TSHZ2: variants seen among roughly 807,000 people sequenced by gnomAD.
The protein encoded by TSHZ2 is teashirt homolog 2.
TSHZ2 carries 21 observed loss-of-function variants against 74.4 expected under a neutral mutation model. That is an observed-to-expected ratio of 0.28 (90% CI 0.20 to 0.41). The LOEUF is 0.41. TSHZ2 is among the 10% of genes least tolerant of loss of function. The pLI is 1.00. For synonymous variants in TSHZ2, 540 were observed against 515.3 expected (o/e 1.05, Z -0.65); for missense variants, 1,244 against 1,293.5 (o/e 0.96, Z 0.59).
chr20:53,121,354 AG>A (rs1341454755), intron 1 of TSHZ2, among the ~76,000 whole-genome samples: 2 of 152,250 alleles, frequency 1.3e-5, no homozygotes, highest in African/African-American at 4.8e-5. Flanking sequence ...ATTAAAAAAA[AG>A]TAAATGAGGC....
intron 1 of TSHZ2, among the ~76,000 whole-genome samples, chr20:52,979,484 G>A (rs540422738): frequency 1.3e-5 from 2 of 152,188 alleles, no homozygotes; most frequent in African/African-American, 4.8e-5. Flanking sequence ...TTTGTCCAAG[G>A]GTATCAGACT....
chr20:53,250,722 G>T (rs951851185), intron 1 of TSHZ2, among the ~76,000 whole-genome samples: 3 of 151,912 alleles, frequency 2.0e-5, no homozygotes, highest in Admixed American at 2.0e-4. Flanking sequence ...TATCTGTATT[G>T]TGGGGGAGGC....
At chr20:53,190,077 C>G in intron 1 of TSHZ2, among the ~76,000 whole-genome samples, 2 of 63,244 alleles carry the variant, frequency 3.2e-5, no homozygotes, top group South Asian at 1.0e-3. Context: ...CAAACAAGAC[C>G]CTGTCTCAAA....
chr20:53,169,577 A>G (rs1988143708), intron 1 of TSHZ2, among the ~76,000 whole-genome samples: 2 of 152,192 alleles, frequency 1.3e-5, no homozygotes, highest in African/African-American at 4.8e-5. Flanking sequence ...TTCCTGGCAT[A>G]TAGTAAGCCC....
At chr20:53,395,189 C>G (rs186758968) in intron 2 of TSHZ2, among the ~76,000 whole-genome samples, 1 of 152,244 alleles carries the variant, frequency 6.6e-6, no homozygotes, top group Admixed American at 6.5e-5. Context: ...AAAGAGTGTC[C>G]AGCACAATAA....
intron 1 of TSHZ2, among the ~76,000 whole-genome samples, chr20:53,058,826 T>TG (rs1180044711): frequency 6.6e-6 from 1 of 152,234 alleles, no homozygotes; most frequent in Non-Finnish European, 1.5e-5. Flanking sequence ...AGGTCTGGCC[T>TG]GGGGAAACAT....
chr20:53,397,204 G>A (rs920608045), intron 2 of TSHZ2, among the ~76,000 whole-genome samples: 6 of 152,184 alleles, frequency 3.9e-5, no homozygotes, highest in Non-Finnish European at 8.8e-5. Context: ...CAGAATGGGA[G>A]AAAATTTCTG....
intron 1 of TSHZ2, among the ~76,000 whole-genome samples, chr20:52,977,119 A>G (rs1044869758): frequency 6.6e-6 from 1 of 152,180 alleles, no homozygotes; most frequent in Non-Finnish European, 1.5e-5. Flanking sequence ...AAATGACCTC[A>G]GAGATCTCTT....
At chr20:53,099,760 A>G (rs1159071332) in intron 1 of TSHZ2, among the ~76,000 whole-genome samples, 1 of 152,166 alleles carries the variant, frequency 6.6e-6, no homozygotes, top group African/African-American at 2.4e-5. Flanking sequence ...CACTACTACG[A>G]CAAGAGTATG....
chr20:53,279,902 A>G (rs751818853), intron 2 of TSHZ2, among the ~76,000 whole-genome samples: 10 of 152,226 alleles, frequency 6.6e-5, no homozygotes, highest in Non-Finnish European at 1.3e-4. Flanking sequence ...GATTTCAGAC[A>G]GGGACAGCAA....
At position 53,473,226 on chromosome 20, in the gene TSHZ2, A is replaced by C. The variant is rs1327676339; in HGVS notation, c.*9-13918A>C. On this transcript the variant is annotated intron_variant, in intron 2 of 2. Transcript: ENST00000371497. ...GCAGGGCACAGACAAACAAAAAGAC[A>C]GCAGTAACCTCTGCAGACTTAAATG... Among the ~76,000 whole-genome samples, 52 of 145,010 alleles carry C rather than the reference A, an allele frequency of 3.6e-4. 1 individual carries two copies. The highest frequency in any genetic ancestry group is 1.2e-3 in the African/African-American group (47 of 38,190).
rs187300730 is a variant in TSHZ2, at chr20:53,044,652, C to A, written c.40+71319C>A. Among the ~76,000 whole-genome samples, 23 of 152,300 alleles carry A rather than the reference C, an allele frequency of 1.5e-4. 1 individual carries two copies. The highest frequency in any genetic ancestry group is 5.1e-4 in the African/African-American group (21 of 41,562). ...TCACAGAGTTCTTGGACCCCAGCCCCAGTTCCCCAACCTTTAAGGATGCAG... is the reference window on the plus strand; with the variant it reads ...TCACAGAGTTCTTGGACCCCAGCCCAAGTTCCCCAACCTTTAAGGATGCAG... On this transcript the variant is annotated intron_variant, in intron 1 of 2. Coordinates refer to ENST00000371497, the MANE Select transcript of TSHZ2 (RefSeq NM_173485.6).
chr20:53,000,468 G>A (rs1600638733), intron 1 of TSHZ2, among the ~76,000 whole-genome samples: 1 of 152,256 alleles, frequency 6.6e-6, no homozygotes, highest in African/African-American at 2.4e-5. Context: ...TTCATTTGCT[G>A]TGTAATAGAA....
chr20:53,185,263 C>A, intron 1 of TSHZ2: 1 of 1,012,582 alleles, frequency 9.9e-7, no homozygotes, highest in African/African-American at 1.7e-5. Flanking sequence ...TGCATAAAAC[C>A]TCGTGGGTTC....
chr20:53,320,438 T>C (rs1034535727), intron 2 of TSHZ2, among the ~76,000 whole-genome samples: 1 of 152,242 alleles, frequency 6.6e-6, no homozygotes, highest in Non-Finnish European at 1.5e-5. Context: ...GTTCTTTTCA[T>C]TGCCTCAATT....
intron 2 of TSHZ2, among the ~76,000 whole-genome samples, chr20:53,302,100 G>A (rs1978338161): frequency 6.6e-6 from 1 of 152,084 alleles, no homozygotes; most frequent in African/African-American, 2.4e-5. Context: ...ATGTATGTTG[G>A]CTCATTCTCT....
chr20:53,205,373 A>G (rs953105315), intron 1 of TSHZ2, among the ~76,000 whole-genome samples: 1 of 152,214 alleles, frequency 6.6e-6, no homozygotes, highest in African/African-American at 2.4e-5. Flanking sequence ...TTCAGAAGAC[A>G]GAAAATATTT....
At chr20:53,018,138 G>A (rs1003248377) in intron 1 of TSHZ2, among the ~76,000 whole-genome samples, 1 of 152,188 alleles carries the variant, frequency 6.6e-6, no homozygotes, top group African/African-American at 2.4e-5. Flanking sequence ...TGCTCTAGCA[G>A]CTGGACAATA....
intron 2 of TSHZ2, among the ~76,000 whole-genome samples, chr20:53,485,885 T>A (rs953353438): frequency 6.6e-6 from 1 of 152,178 alleles, no homozygotes; most frequent in African/African-American, 2.4e-5. Context: ...TGCAGTAAAA[T>A]ACACACAACA....
Sources: gnomAD v4.1 joint callset for allele counts (sites outside exome capture counted in the v4.1 genomes callset) on GRCh38, gnomAD v4.1.1 for gene constraint, MANE v1.5 for transcripts, NCBI Gene and HGNC (gene_info 2026-07-23, HGNC 2026-07-21) for gene names.